The following GPC5 variants were observed in gnomAD, a reference collection of about 807,000 sequenced individuals.
GPC5 encodes glypican-5.
A neutral mutation model predicts 53.9 loss-of-function variants in GPC5; 47 were observed. That is an observed-to-expected ratio of 0.87 (90% confidence interval 0.69 to 1.11). GPC5 has a LOEUF of 1.11. Among genes scored for constraint, GPC5 ranks in the 50% most tolerant of loss-of-function variants. GPC5 has a pLI of 0.00. For missense variants in GPC5, 748 were observed against 713.1 expected, an observed-to-expected ratio of 1.05 and a Z score of -0.56; for synonymous variants, 286 against 263.3, an observed-to-expected ratio of 1.09 and a Z score of -0.84.
intron 2 of GPC5, among the ~76,000 whole-genome samples, chr13:91,679,168 CATTT>C (rs10669196): frequency 0.021 from 3,233 of 150,890 alleles, 108 homozygotes; most frequent in African/African-American, 0.07. Flanking sequence ...AAGAAATCAA[CATTT>C]ATTTATTTAT....
At chr13:92,065,379 T>C (rs1265315328) in intron 6 of GPC5, among the ~76,000 whole-genome samples, 3 of 152,138 alleles carry the variant, frequency 2.0e-5, no homozygotes, top group Non-Finnish European at 2.9e-5. Context: ...TTGTCCTTTG[T>C]GAGTAATGAG....
At chr13:91,470,738 T>C (rs1882569117) in intron 2 of GPC5, among the ~76,000 whole-genome samples, 1 of 152,146 alleles carries the variant, frequency 6.6e-6, no homozygotes. Flanking sequence ...ATAACCAATT[T>C]TGTGTCTTTA....
chr13:91,832,326 A>G (rs2038671146), intron 5 of GPC5, among the ~76,000 whole-genome samples: 1 of 103,132 alleles, frequency 9.7e-6, no homozygotes, highest in African/African-American at 3.7e-5. Context: ...TTTGCTTTCC[A>G]TTTACTTGGT....
At chr13:92,430,239 TGGG>T (rs749429706) in intron 7 of GPC5, among the ~76,000 whole-genome samples, 4 of 151,916 alleles carry the variant, frequency 2.6e-5, no homozygotes, top group Non-Finnish European at 5.9e-5. Flanking sequence ...TTTAGAAAAA[TGGG>T]GGGAAAAACA....
chr13:92,244,525 T>C (rs1255682501), intron 7 of GPC5, among the ~76,000 whole-genome samples: 1 of 152,182 alleles, frequency 6.6e-6, no homozygotes, highest in African/African-American at 2.4e-5. Context: ...TTTATAACGT[T>C]ATGGTCCAAT....
intron 6 of GPC5, among the ~76,000 whole-genome samples, chr13:91,933,606 CGTCCAA>C (rs1198258974): frequency 1.3e-5 from 2 of 151,896 alleles, no homozygotes; most frequent in African/African-American, 4.8e-5. Context: ...ATATGCCACA[CGTCCAA>C]GTTTTCTCAG....
intron 2 of GPC5, among the ~76,000 whole-genome samples, chr13:91,472,421 T>C (rs1882687545): frequency 6.6e-6 from 1 of 152,208 alleles, no homozygotes; most frequent in African/African-American, 2.4e-5. Context: ...TTTCCTCATC[T>C]GTAGAATGGA....
rs34169387 is a variant in GPC5 at position 92,072,569 on chromosome 13, A to AT, written c.1402-72238dup. Reference sequence around the variant, plus strand: ...GTGAGCCACTGTGCCTGGCCACTAAATTTTTTTTTTTTTTTTTTTTTTTAT... The same window carrying AT: ...GTGAGCCACTGTGCCTGGCCACTAAATTTTTTTTTTTTTTTTTTTTTTTTAT... On this transcript the variant is annotated intron_variant, in intron 6 of 7. Transcript: ENST00000377067. Among the ~76,000 whole-genome samples the AT allele has an allele frequency of 5.6e-3, 585 of 103,918 alleles. 9 individuals are homozygous for AT. Among genetic ancestry groups the AT allele is most frequent in the African/African-American group, 0.02 (549 of 26,876 alleles). The allele number at this position is 103,918 out of a possible 152,430, so 68.2% of individuals were successfully genotyped here. A position where few individuals can be genotyped will look rare whatever the true frequency, so the allele number is the denominator to read the frequency against.
intron 7 of GPC5, among the ~76,000 whole-genome samples, chr13:92,192,234 C>T (rs957032232): frequency 6.6e-6 from 1 of 152,110 alleles, no homozygotes; most frequent in African/African-American, 2.4e-5. Context: ...TCAATTGATA[C>T]TTTGGATGAT....
chr13:91,771,816 T>A (rs1419831910), intron 5 of GPC5, among the ~76,000 whole-genome samples: 1 of 152,210 alleles, frequency 6.6e-6, no homozygotes. Flanking sequence ...AGATATGATA[T>A]CTTACTTCAG....
chr13:91,830,795 A>ATATATAATATATATCCTAT (rs2038644205), intron 5 of GPC5, among the ~76,000 whole-genome samples: 1 of 63,426 alleles, frequency 1.6e-5, no homozygotes. Flanking sequence ...ATATACTATT[A>ATATATAATATATATCCTAT]TATATATAAT....
intron 2 of GPC5, among the ~76,000 whole-genome samples, chr13:91,593,313 A>G (rs1295241826): frequency 1.3e-5 from 2 of 152,114 alleles, no homozygotes; most frequent in Non-Finnish European, 2.9e-5. Flanking sequence ...ATCTGTCCCA[A>G]TTATGTTAAT....
At chr13:92,492,809 C>T (rs1295374423) in intron 7 of GPC5, among the ~76,000 whole-genome samples, 1 of 152,116 alleles carries the variant, frequency 6.6e-6, no homozygotes. Flanking sequence ...TTTATAAATG[C>T]AATGCCTAGT....
intron 2 of GPC5, among the ~76,000 whole-genome samples, chr13:91,523,839 T>C (rs1439774138): frequency 6.6e-6 from 1 of 152,164 alleles, no homozygotes; most frequent in Non-Finnish European, 1.5e-5. Flanking sequence ...ATACAACTTT[T>C]ATTTTTTTAA....
At chr13:92,322,655 G>A (rs1212281252) in intron 7 of GPC5, among the ~76,000 whole-genome samples, 1 of 152,138 alleles carries the variant, frequency 6.6e-6, no homozygotes, top group African/African-American at 2.4e-5. Context: ...ACATTTTAAT[G>A]TGTATGTAAT....
intron 6 of GPC5, among the ~76,000 whole-genome samples, chr13:92,079,161 C>T (rs1339515799): frequency 6.6e-6 from 1 of 152,272 alleles, no homozygotes; most frequent in East Asian, 1.9e-4. Context: ...AAGCAATTCT[C>T]CTGCCTCAGT....
At chr13:91,685,928 A>T (rs976417417) in intron 2 of GPC5, among the ~76,000 whole-genome samples, 3 of 140,328 alleles carry the variant, frequency 2.1e-5, no homozygotes, top group Non-Finnish European at 4.5e-5. Context: ...GTATGAATTA[A>T]CTAAAAAAAA....
intron 6 of GPC5, among the ~76,000 whole-genome samples, chr13:92,007,460 T>A (rs1424054173): frequency 6.6e-6 from 1 of 152,178 alleles, no homozygotes; most frequent in African/African-American, 2.4e-5. Flanking sequence ...TGCCCTTTTG[T>A]CATTATAAAG....
chr13:91,533,858 GA>G (rs1306518074), intron 2 of GPC5, among the ~76,000 whole-genome samples: 2 of 152,156 alleles, frequency 1.3e-5, no homozygotes, highest in African/African-American at 4.8e-5. Context: ...TTCCAAGTCT[GA>G]ATCAGAGACT....
Sources: gnomAD v4.1 joint callset for allele counts (sites outside exome capture counted in the v4.1 genomes callset) on GRCh38, gnomAD v4.1.1 for gene constraint, MANE v1.5 for transcripts, NCBI Gene and HGNC (gene_info 2026-07-23, HGNC 2026-07-21) for gene names.